DCDC2: variants seen among roughly 807,000 people sequenced by gnomAD.
DCDC2 encodes doublecortin domain-containing protein 2.
In DCDC2, 40 loss-of-function variants were observed where a neutral mutation model predicts 50.2. The observed-to-expected ratio is 0.80, with a 90% CI of 0.62 to 1.04. The LOEUF is 1.04. DCDC2 is among the 50% of genes least tolerant of loss of function. The pLI is 0.00. For synonymous variants in DCDC2, 234 were observed against 210.6 expected, an observed-to-expected ratio of 1.11 and a Z score of -0.96; for missense variants, 570 against 581.9, an observed-to-expected ratio of 0.98 and a Z score of 0.21.
intron 4 of DCDC2, among the ~76,000 whole-genome samples, chr6:24,293,695 C>T (rs1187843864): frequency 1.3e-5 from 2 of 152,198 alleles, no homozygotes; most frequent in Admixed American, 6.5e-5. Context: ...TGATAAACCT[C>T]TATGGAACTC....
At chr6:24,211,974 T>C (rs981165794) in intron 7 of DCDC2, among the ~76,000 whole-genome samples, 1 of 152,166 alleles carries the variant, frequency 6.6e-6, no homozygotes, top group Non-Finnish European at 1.5e-5. Context: ...AAGTGGTCTG[T>C]GGCCTGTTAG....
In DCDC2 at chr6:24,357,508, C is replaced by T. The variant is rs752469313; in HGVS notation, c.243G>A (p.Gln81=). 1.2e-6 allele frequency: 2 copies of T among 1,612,820 alleles called. No homozygotes were observed. Among genetic ancestry groups the T allele is most frequent in the Middle Eastern group, 1.7e-4 (1 of 6,056 alleles). The change falls in exon 1 of 10, where the codon CAG becomes CAA. Residue 81 remains glutamine (Q), a synonymous_variant. Coordinates refer to ENST00000378454, the MANE Select transcript of DCDC2 (RefSeq NM_016356.5). ...CTCCAGCCACGTAATTGCCCCCGCT[C>T]TGGATCTGGTCTAGCTTCCGGATTC... The part of the protein sequence containing the change: ...GHRIRKLDQI[Q]SGGNYVAGGQ...
chr6:24,286,418 C>T (rs185385545), intron 6 of DCDC2, among the ~76,000 whole-genome samples: 33 of 152,228 alleles, frequency 2.2e-4, no homozygotes, highest in Middle Eastern at 3.4e-3. Context: ...CAAGGTGAAA[C>T]TCTGTCTCCA....
At chr6:24,244,297 T>C (rs950916324) in intron 7 of DCDC2, among the ~76,000 whole-genome samples, 32 of 152,216 alleles carry the variant, frequency 2.1e-4, no homozygotes, top group Non-Finnish European at 3.7e-4. Flanking sequence ...TAAAACGATA[T>C]GGAACCAAGA....
At chr6:24,337,156 G>C (rs575916351) in intron 2 of DCDC2, among the ~76,000 whole-genome samples, 1 of 152,196 alleles carries the variant, frequency 6.6e-6, no homozygotes, top group African/African-American at 2.4e-5. Flanking sequence ...ATGGCCCTTT[G>C]ACAGTAGCAC....
chr6:24,303,012 T>C (rs1759410139), intron 2 of DCDC2, among the ~76,000 whole-genome samples: 1 of 152,032 alleles, frequency 6.6e-6, no homozygotes, highest in African/African-American at 2.4e-5. Context: ...TTTTCTCCTT[T>C]TCTGCCTGTC....
intron 7 of DCDC2, among the ~76,000 whole-genome samples, chr6:24,247,779 T>C (rs1762711087): frequency 6.6e-6 from 1 of 152,120 alleles, no homozygotes; most frequent in Non-Finnish European, 1.5e-5. Flanking sequence ...CTGTGTACTC[T>C]TAAAAATGTT....
At chr6:24,246,013 TA>T (rs1762663962) in intron 7 of DCDC2, among the ~76,000 whole-genome samples, 1 of 152,196 alleles carries the variant, frequency 6.6e-6, no homozygotes, top group African/African-American at 2.4e-5. Flanking sequence ...TTTATTTATT[TA>T]TTTTTTTGAG....
the DCDC2 span, among the ~76,000 whole-genome samples, chr6:24,377,754 G>A: frequency 6.6e-6 from 1 of 152,192 alleles, no homozygotes; most frequent in Non-Finnish European, 1.5e-5. Flanking sequence ...TTGGGAGGCC[G>A]AGGGGGGTGG....
At chr6:24,301,057 A>AC (rs1317703609) in intron 4 of DCDC2, among the ~76,000 whole-genome samples, 1 of 151,594 alleles carries the variant, frequency 6.6e-6, no homozygotes, top group Non-Finnish European at 1.5e-5. Context: ...CCCTTTAAAA[A>AC]AAAAAAACGG....
At chr6:24,177,997 A>C (rs1760963420) in intron 9 of DCDC2, among the ~76,000 whole-genome samples, 1 of 151,956 alleles carries the variant, frequency 6.6e-6, no homozygotes, top group Non-Finnish European at 1.5e-5. Flanking sequence ...ACTTATTCTT[A>C]CTTTTTTATA....
At position 24,357,528 on chromosome 6, in the gene DCDC2, G is replaced by T. The variant is rs1408332749; in HGVS notation, c.223C>A (p.Arg75=). The T allele has an allele frequency of 6.2e-7, 1 of 1,613,540 alleles. No individual in the cohort carries two copies. ...IYTPRTGHRI[R]KLDQIQSGGN... ...CCGCTCTGGATCTGGTCTAGCTTCC[G>T]GATTCGGTGGCCAGTCCGCGGGGTG... The change falls in exon 1 of 10, where the codon CGG becomes AGG. Residue 75 remains arginine (R), a synonymous_variant. Coordinates refer to ENST00000378454, the MANE Select transcript of DCDC2 (RefSeq NM_016356.5).
At chr6:24,209,171 T>C (rs1019079699) in intron 7 of DCDC2, among the ~76,000 whole-genome samples, 3 of 152,174 alleles carry the variant, frequency 2.0e-5, no homozygotes, top group Admixed American at 2.0e-4. Context: ...GATAAAACAT[T>C]GAAAATTTAA....
Position 24,171,939 on chromosome 6 carries a change from A to G in DCDC2, c.*2791T>C, listed in dbSNP as rs1011596349. On this transcript the variant is annotated 3_prime_UTR_variant, in exon 10 of 10. Coordinates refer to ENST00000378454, the MANE Select transcript of DCDC2 (RefSeq NM_016356.5). ...AACATATTAAAGCATTATATTGGTT[A>G]TCACATAAAAGCATCATAAGTTTTT... The G allele has an allele frequency of 1.3e-5, 2 of 152,266 alleles. No individual in the cohort carries two copies. The highest frequency in any genetic ancestry group is 4.8e-5 in the African/African-American group (2 of 41,470). The allele number at this position is 152,266 out of a possible 1,614,324, so 9.4% of individuals were successfully genotyped here.
chr6:24,228,515 A>G lies in DCDC2; in HGVS notation c.923-23413T>C, dbSNP rs767396605. On this transcript the variant is annotated intron_variant, in intron 7 of 9. Transcript: ENST00000378454. ...CTTTTGCCATGTAAATGTGGGATCA[A>G]TCTAGTTTTAAACAGAAAGATTTTT... 3.4e-4 allele frequency among the ~76,000 whole-genome samples: 52 copies of G among 152,214 alleles called. 1 individual carries two copies. The highest frequency in any genetic ancestry group is 1.3e-3 in the Admixed American group (20 of 15,288).
At chr6:24,272,154 C>T (rs754744314) in intron 7 of DCDC2, among the ~76,000 whole-genome samples, 1 of 152,134 alleles carries the variant, frequency 6.6e-6, no homozygotes, top group Non-Finnish European at 1.5e-5. Context: ...TAGTATTCAG[C>T]CCACTTTTAA....
chr6:24,220,270 C>A (rs889670779), intron 7 of DCDC2, among the ~76,000 whole-genome samples: 1 of 152,108 alleles, frequency 6.6e-6, no homozygotes, highest in Non-Finnish European at 1.5e-5. Context: ...ATTTCATGCT[C>A]TTAAGTTTTG....
At chr6:24,306,050 A>AAAG (rs1284978512) in intron 2 of DCDC2, among the ~76,000 whole-genome samples, 7 of 152,020 alleles carry the variant, frequency 4.6e-5, no homozygotes, top group African/African-American at 7.2e-5. Flanking sequence ...AAAGGAAAGA[A>AAAG]AAGAAATGCT....
intron 7 of DCDC2, among the ~76,000 whole-genome samples, chr6:24,232,004 T>TATACAC (rs774567630): frequency 4.0e-5 from 6 of 148,516 alleles, no homozygotes; most frequent in African/African-American, 1.5e-4. Flanking sequence ...CATATATATA[T>TATACAC]ACACACACAC....
Sources: allele counts gnomAD v4.1 joint callset (sites outside exome capture counted in the v4.1 genomes callset), GRCh38; gene constraint gnomAD v4.1.1; transcripts MANE v1.5; gene names NCBI Gene and HGNC (gene_info 2026-07-23, HGNC 2026-07-21).